The following PDGFC variants were observed in gnomAD, a reference collection of about 807,000 sequenced individuals.
PDGFC encodes the protein platelet-derived growth factor C.
PDGFC carries 12 observed loss-of-function variants against 35.5 expected under a neutral mutation model. The ratio of observed to expected loss-of-function variants is 0.34; its 90% CI spans 0.22 to 0.55. PDGFC has a LOEUF of 0.55. Among genes scored for constraint, PDGFC ranks in the 20% least tolerant of loss-of-function variants. The pLI is 0.91. For synonymous variants in PDGFC, 159 were observed against 148.8 expected, an observed-to-expected ratio of 1.07 and a Z score of -0.50; for missense variants, 322 against 412.4, an observed-to-expected ratio of 0.78 and a Z score of 1.90.
chr4:156,936,236 C>T (rs1273926500), intron 1 of PDGFC, among the ~76,000 whole-genome samples: 2 of 152,140 alleles, frequency 1.3e-5, no homozygotes. Context: ...TCTTCAGGTA[C>T]TATGAGGAGG....
intron 2 of PDGFC, among the ~76,000 whole-genome samples, chr4:156,832,126 C>G (rs1454053057): frequency 1.3e-5 from 2 of 151,996 alleles, no homozygotes. Flanking sequence ...CAGTTGTCTC[C>G]CATAAGGCAT....
intron 1 of PDGFC, among the ~76,000 whole-genome samples, chr4:156,919,323 A>T (rs1731221004): frequency 6.6e-6 from 1 of 152,188 alleles, no homozygotes; most frequent in Non-Finnish European, 1.5e-5. Flanking sequence ...TGACCCTCAA[A>T]TTCATAATCT....
At chr4:156,862,750 C>A (rs1428187272) in intron 1 of PDGFC, among the ~76,000 whole-genome samples, 1 of 150,716 alleles carries the variant, frequency 6.6e-6, no homozygotes, top group East Asian at 1.9e-4. Flanking sequence ...GTCACCCAGG[C>A]TGAGTGTAGT....
chr4:156,872,087 C>T (rs566683494), intron 1 of PDGFC, among the ~76,000 whole-genome samples: 29 of 152,190 alleles, frequency 1.9e-4, no homozygotes, highest in African/African-American at 4.1e-4. Context: ...CAATGGAAGA[C>T]GACTAAAACT....
At chr4:156,919,043 G>A (rs1344607185) in intron 1 of PDGFC, among the ~76,000 whole-genome samples, 5 of 152,048 alleles carry the variant, frequency 3.3e-5, no homozygotes, top group Admixed American at 1.3e-4. Flanking sequence ...TTTTCAGATC[G>A]ATAAAAATGT....
intron 2 of PDGFC, among the ~76,000 whole-genome samples, chr4:156,839,853 A>C (rs1373352775): frequency 6.6e-6 from 1 of 152,196 alleles, no homozygotes; most frequent in Middle Eastern, 3.4e-3. Flanking sequence ...ACTTGTTGGG[A>C]ACTGGATTAA....
chr4:156,866,006 G>A (rs896555548), intron 1 of PDGFC, among the ~76,000 whole-genome samples: 6 of 152,012 alleles, frequency 3.9e-5, no homozygotes, highest in African/African-American at 1.5e-4. Flanking sequence ...TGCACAACGT[G>A]CAGGTTTGTT....
At chr4:156,910,134 G>T (rs1246684521) in intron 1 of PDGFC, among the ~76,000 whole-genome samples, 2 of 152,054 alleles carry the variant, frequency 1.3e-5, no homozygotes, top group East Asian at 3.9e-4. Context: ...ATTGTTTTTT[G>T]TTGGTTTTAG....
intron 1 of PDGFC, among the ~76,000 whole-genome samples, chr4:156,964,680 T>C (rs979070288): frequency 6.6e-6 from 1 of 152,142 alleles, no homozygotes; most frequent in Admixed American, 6.6e-5. Context: ...ATTTTCCTAA[T>C]TGGTTCTCAC....
chr4:156,887,768 C>A (rs1055457865), intron 1 of PDGFC, among the ~76,000 whole-genome samples: 8 of 151,994 alleles, frequency 5.3e-5, no homozygotes, highest in African/African-American at 1.9e-4. Flanking sequence ...TAACCCCTCA[C>A]TTTGGGAGGC....
intron 1 of PDGFC, among the ~76,000 whole-genome samples, chr4:156,945,387 ATAT>A (rs1731922293): frequency 5.0e-5 from 6 of 120,570 alleles, no homozygotes; most frequent in Admixed American, 2.7e-4. Context: ...ATATATATAT[ATAT>A]AATCAGTAGG....
At chr4:156,905,197 T>C (rs550870006) in intron 1 of PDGFC, among the ~76,000 whole-genome samples, 204 of 152,238 alleles carry the variant, frequency 1.3e-3, no homozygotes, top group African/African-American at 4.8e-3. Context: ...ACCTTCAAGC[T>C]CTATTGAATG....
chr4:156,800,358 T>C (rs1489328848), intron 3 of PDGFC, among the ~76,000 whole-genome samples: 2 of 152,182 alleles, frequency 1.3e-5, no homozygotes, highest in African/African-American at 4.8e-5. Context: ...TTTAGCTTTG[T>C]TCTAAGATTA....
chr4:156,863,611 T>C (rs1051694544), intron 1 of PDGFC, among the ~76,000 whole-genome samples: 2 of 152,182 alleles, frequency 1.3e-5, no homozygotes, highest in African/African-American at 4.8e-5. Flanking sequence ...GTGTTTCTAA[T>C]ATTACCAATG....
At chr4:156,920,760 C>G (rs780108519) in intron 1 of PDGFC, among the ~76,000 whole-genome samples, 6 of 151,602 alleles carry the variant, frequency 4.0e-5, no homozygotes, top group Non-Finnish European at 8.8e-5. Context: ...CTGGCCAAGC[C>G]TAAATAAAAA....
At position 156,802,710 on chromosome 4, in the gene PDGFC, G is replaced by C. The variant is rs2110919788; in HGVS notation, c.495+8127C>G. Among the ~76,000 whole-genome samples, 3 of 152,280 alleles carry C rather than the reference G, an allele frequency of 2.0e-5. No individual in the cohort carries two copies. The East Asian group carries it at 5.8e-4, about 29-fold the overall frequency. ...GTATTTATACTCTTAGAAAAGAGATGAGAGGAATCAGAGTGTTTTGAAGAA... is the reference window on the plus strand; with the variant it reads ...GTATTTATACTCTTAGAAAAGAGATCAGAGGAATCAGAGTGTTTTGAAGAA... On this transcript the variant is annotated intron_variant, in intron 3 of 5. Coordinates refer to ENST00000502773, the MANE Select transcript of PDGFC (RefSeq NM_016205.3).
intron 1 of PDGFC, among the ~76,000 whole-genome samples, chr4:156,901,954 C>T (rs1296988788): frequency 4.6e-5 from 7 of 152,056 alleles, no homozygotes; most frequent in Non-Finnish European, 1.5e-5. Flanking sequence ...TTTGAGCATG[C>T]TACATTGACA....
chr4:156,848,223 C>G (rs115640794), intron 2 of PDGFC, among the ~76,000 whole-genome samples: 1 of 151,744 alleles, frequency 6.6e-6, no homozygotes, highest in African/African-American at 2.4e-5. Context: ...TGATAAGGTA[C>G]AATTTCACAC....
At chr4:156,926,576 T>C (rs1731419847) in intron 1 of PDGFC, among the ~76,000 whole-genome samples, 1 of 152,224 alleles carries the variant, frequency 6.6e-6, no homozygotes, top group Admixed American at 6.5e-5. Flanking sequence ...ACCAGCCCCA[T>C]GCATGTCCAA....
Sources: allele counts gnomAD v4.1 joint callset (sites outside exome capture counted in the v4.1 genomes callset), GRCh38; gene constraint gnomAD v4.1.1; transcripts MANE v1.5; gene names NCBI Gene and HGNC (gene_info 2026-07-23, HGNC 2026-07-21).